The following NCAM2 variants were observed in gnomAD, a reference collection of about 807,000 sequenced individuals.
NCAM2 encodes the protein neural cell adhesion molecule 2.
In NCAM2, 30 loss-of-function variants were observed where a neutral mutation model predicts 98.1. The ratio of observed to expected loss-of-function variants is 0.31; its 90% CI spans 0.23 to 0.41. The LOEUF (loss-of-function observed/expected upper bound fraction) is 0.41, where lower values mean the gene tolerates loss of function less well. Ranked by LOEUF, NCAM2 falls within the 10% of genes least tolerant of loss-of-function variation. The pLI is 1.00. For missense variants in NCAM2, 867 were observed against 1,005.8 expected (o/e 0.86, Z 1.87); for synonymous variants, 368 against 342.4 (o/e 1.07, Z -0.83).
At chr21:21,379,230 A>G (rs556858531) in intron 9 of NCAM2, among the ~76,000 whole-genome samples, 4 of 151,958 alleles carry the variant, frequency 2.6e-5, no homozygotes, top group African/African-American at 4.8e-5. Context: ...TTGTTAATTC[A>G]TATTTTCTAT....
intron 1 of NCAM2, among the ~76,000 whole-genome samples, chr21:21,280,142 A>T (rs2072875087): frequency 1.3e-5 from 2 of 149,962 alleles, no homozygotes; most frequent in African/African-American, 4.9e-5. Context: ...GACAATTTTT[A>T]GTAGGTGTCT....
intron 1 of NCAM2, among the ~76,000 whole-genome samples, chr21:21,027,952 G>C (rs1045074499): frequency 6.6e-6 from 1 of 151,918 alleles, no homozygotes; most frequent in African/African-American, 2.4e-5. Flanking sequence ...CGCCTCCTGG[G>C]TTCAAGCGAT....
rs1303349845 is a variant in NCAM2, at chr21:21,540,039, C to G, written c.*2082C>G. ...CAATAGCCATGAATGCTAATTATTT[C>G]TAAATAGGGCCACATGGTTTTAAAC... On this transcript the variant is annotated 3_prime_UTR_variant, in exon 18 of 18. Transcript: ENST00000400546. The G allele has an allele frequency of 6.6e-6, 1 of 152,012 alleles. No individual in the cohort carries two copies. The highest frequency in any genetic ancestry group is 1.5e-5 in the Non-Finnish European group (1 of 67,982). The allele number at this position is 152,012 out of a possible 1,614,324, so 9.4% of individuals were successfully genotyped here. A position where few individuals can be genotyped will look rare whatever the true frequency, so the allele number is the denominator to read the frequency against.
At position 21,464,787 on chromosome 21, in the gene NCAM2, G is replaced by A. The variant is rs371804102; in HGVS notation, c.1655-1819G>A. 7.8e-4 allele frequency among the ~76,000 whole-genome samples: 119 copies of A among 152,100 alleles called. No homozygotes were observed. In the South Asian group the frequency reaches 0.01, roughly 13 times the overall value. On this transcript the variant is annotated intron_variant, in intron 12 of 17. Coordinates refer to ENST00000400546, the MANE Select transcript of NCAM2 (RefSeq NM_004540.5). ...CAGTGTAACTATATACTTTTCTGGGGCTTAAATTATATACCATTAACTACC... is the reference window on the plus strand; with the variant it reads ...CAGTGTAACTATATACTTTTCTGGGACTTAAATTATATACCATTAACTACC...
intron 1 of NCAM2, among the ~76,000 whole-genome samples, chr21:21,258,666 C>T (rs559160084): frequency 3.9e-5 from 6 of 152,240 alleles, no homozygotes; most frequent in Admixed American, 1.3e-4. Context: ...GAACTCTCCT[C>T]AAACATGAAC....
At chr21:21,157,950 G>A (rs2146756510) in intron 1 of NCAM2, among the ~76,000 whole-genome samples, 1 of 152,206 alleles carries the variant, frequency 6.6e-6, no homozygotes, top group South Asian at 2.1e-4. Flanking sequence ...TATTTAATAT[G>A]AGGGAACCAA....
Position 21,292,143 on chromosome 21 carries a change from T to C in NCAM2, c.521T>C (p.Leu174Pro). The stretch of plus-strand genomic sequence containing the variant: ...TTAGCAAACAATAACCTGCAGATTC[T>C]CAACATCAATAAAAGTGATGAAGGT... The part of the protein sequence containing the change: ...AMLANNNLQI[L>P]NINKSDEGIY... Residue 174 changes from leucine to proline, a missense_variant, in exon 5 of 18, where the codon CTC becomes CCC. Around this residue, in one of 5 missense-constraint regions of NCAM2, gnomAD observed 447 missense variants for 495.7 expected, o/e 0.90. Transcript: ENST00000400546. 1.2e-6 allele frequency: 2 copies of C among 1,611,214 alleles called. No individual in the cohort carries two copies. Among genetic ancestry groups the C allele is most frequent in the Non-Finnish European group, 1.7e-6 (2 of 1,178,386 alleles).
At chr21:21,086,419 T>G (rs916114749) in intron 1 of NCAM2, among the ~76,000 whole-genome samples, 1 of 152,200 alleles carries the variant, frequency 6.6e-6, no homozygotes, top group Admixed American at 6.5e-5. Flanking sequence ...CGTTTACATT[T>G]GTATTTACAT....
chr21:21,172,098 A>G (rs1288211016), intron 1 of NCAM2, among the ~76,000 whole-genome samples: 1 of 150,406 alleles, frequency 6.6e-6, no homozygotes, highest in Non-Finnish European at 1.5e-5. Context: ...TATAGATCGT[A>G]TTTTTTTTTC....
chr21:21,153,620 T>C (rs1263991215), intron 1 of NCAM2, among the ~76,000 whole-genome samples: 2 of 151,842 alleles, frequency 1.3e-5, no homozygotes, highest in Admixed American at 6.6e-5. Flanking sequence ...CATTTTGGAA[T>C]GGGAGGGAGC....
In NCAM2 at chr21:21,501,632, C is replaced by G. The variant is rs190780496; in HGVS notation, c.2078-7219C>G. ...ATTAATGTTCCTTTTTTTTTTTTTG[C>G]TATGTAGCTGCAGAAGTCTTTAGAC... On this transcript the variant is annotated intron_variant, in intron 15 of 17. Transcript: ENST00000400546. 9.6e-5 allele frequency among the ~76,000 whole-genome samples: 10 copies of G among 103,806 alleles called. 1 individual carries two copies. The highest frequency in any genetic ancestry group is 3.4e-4 in the African/African-American group (10 of 29,730). 68.1% of individuals were successfully genotyped at this position (103,806 alleles called of 152,430 possible).
chr21:21,437,068 C>T (rs1978462089), intron 12 of NCAM2, among the ~76,000 whole-genome samples: 1 of 151,954 alleles, frequency 6.6e-6, no homozygotes, highest in Non-Finnish European at 1.5e-5. Context: ...AACCACCACG[C>T]CTCGCCAGAA....
chr21:21,407,976 A>G (rs148262153), intron 9 of NCAM2, among the ~76,000 whole-genome samples: 2 of 152,264 alleles, frequency 1.3e-5, no homozygotes, highest in East Asian at 3.9e-4. Context: ...TGAACTGTTG[A>G]ATTAAAATTT....
chr21:21,349,942 C>T (rs989532098), intron 8 of NCAM2, among the ~76,000 whole-genome samples: 4 of 151,752 alleles, frequency 2.6e-5, no homozygotes, highest in African/African-American at 9.7e-5. Context: ...TGAGGTGGGG[C>T]GTGGTAAGGA....
intron 16 of NCAM2, among the ~76,000 whole-genome samples, chr21:21,521,596 AAAAGAGG>A (rs1169328777): frequency 1.3e-5 from 2 of 152,324 alleles, no homozygotes; most frequent in East Asian, 1.9e-4. Flanking sequence ...AAGATTCTAG[AAAAGAGG>A]AATGTCTTTG....
intron 1 of NCAM2, among the ~76,000 whole-genome samples, chr21:21,130,479 G>A (rs879691738): frequency 6.6e-6 from 1 of 152,044 alleles, no homozygotes; most frequent in Admixed American, 6.6e-5. Context: ...CTGTGTAACT[G>A]TGCTTCCAAT....
intron 5 of NCAM2, among the ~76,000 whole-genome samples, chr21:21,316,929 A>G (rs1238630158): frequency 6.6e-6 from 1 of 152,186 alleles, no homozygotes; most frequent in Non-Finnish European, 1.5e-5. Context: ...CCCCGGTGCC[A>G]AATTCAAAAA....
chr21:21,534,659 A>G lies in NCAM2; in HGVS notation c.2402+3A>G, dbSNP rs1406101750. 6.2e-7 allele frequency: 1 copy of G among 1,606,516 alleles called. No individual in the cohort carries two copies. Among genetic ancestry groups the G allele is most frequent in the Admixed American group, 1.7e-5 (1 of 58,144 alleles). Reference sequence around the variant, plus strand: ...ACCACACCACTGACAGAACCTGAGTATGTGGCTTGGAGTGCTCACTTATGT... The same window carrying G: ...ACCACACCACTGACAGAACCTGAGTGTGTGGCTTGGAGTGCTCACTTATGT... On this transcript the variant is annotated splice_donor_region_variant and intron_variant, in intron 17 of 17. Coordinates refer to ENST00000400546, the MANE Select transcript of NCAM2 (RefSeq NM_004540.5).
chr21:21,027,868 T>G (rs2064585070), intron 1 of NCAM2, among the ~76,000 whole-genome samples: 1 of 152,054 alleles, frequency 6.6e-6, no homozygotes, highest in Non-Finnish European at 1.5e-5. Context: ...GTTTTTTTTT[T>G]TTTTTGAGAC....
Sources: allele counts gnomAD v4.1 joint callset (sites outside exome capture counted in the v4.1 genomes callset), GRCh38; gene constraint gnomAD v4.1.1; regional missense constraint gnomAD v4.1.1; transcripts MANE v1.5; gene names NCBI Gene and HGNC (gene_info 2026-07-23, HGNC 2026-07-21).